TBC1D8: variants seen among roughly 807,000 people sequenced by gnomAD.
TBC1D8 encodes the protein BUB2-like protein 1.
Under a neutral mutation model 118.8 loss-of-function variants are expected in TBC1D8, and 65 were observed. That is an observed-to-expected ratio of 0.55 (90% CI 0.45 to 0.67). The LOEUF (loss-of-function observed/expected upper bound fraction) is 0.67. Among genes scored for constraint, TBC1D8 ranks in the 30% least tolerant of loss-of-function variants. TBC1D8 has a pLI of 0.00. For synonymous variants in TBC1D8, 566 were observed against 595.8 expected, an observed-to-expected ratio of 0.95 and a Z score of 0.73; for missense variants, 1,376 against 1,471.2, an observed-to-expected ratio of 0.94 and a Z score of 1.06.
intron 1 of TBC1D8, among the ~76,000 whole-genome samples, chr2:101,127,350 A>C (rs907281578): frequency 1.3e-5 from 2 of 151,192 alleles, no homozygotes; most frequent in African/African-American, 4.8e-5. Context: ...AAAAAAAAAA[A>C]AGAGAAAGAA....
Position 101,040,366 on chromosome 2 carries a change from G to T in TBC1D8, c.892C>A (p.Gln298Lys). 9 of 1,602,296 alleles carry T rather than the reference G, an allele frequency of 5.6e-6. 1 individual carries two copies. In the Admixed American group the frequency reaches 1.0e-4, roughly 19 times the overall value. The change falls in exon 6 of 20, where the codon CAG becomes AAG. Residue 298 changes from glutamine (Q) to lysine (K), a missense_variant. Physicochemically the swap from Gln to Lys is moderately conservative, Grantham distance 53. Coordinates refer to ENST00000409318, the MANE Select transcript of TBC1D8 (RefSeq NM_001330348.2). Reference sequence around the variant, plus strand: ...AAGAAAGCCCGGAAGAACTCATTCTGTGCTCTGGCTTCCAGGTCCCTGGGG... The same window carrying T: ...AAGAAAGCCCGGAAGAACTCATTCTTTGCTCTGGCTTCCAGGTCCCTGGGG... ...ITKRDLEARA[Q>K]NEFFRAFFRL...
intron 15 of TBC1D8, among the ~76,000 whole-genome samples, chr2:101,026,074 C>T (rs898827898): frequency 1.3e-5 from 2 of 152,134 alleles, no homozygotes; most frequent in South Asian, 2.1e-4. Flanking sequence ...GAAACATGAA[C>T]GATGTGGCTG....
At position 101,045,788 on chromosome 2, in the gene TBC1D8, G is replaced by A. The variant is rs958660011; in HGVS notation, c.872+4613C>T. 5.9e-5 allele frequency among the ~76,000 whole-genome samples: 9 copies of A among 152,096 alleles called. No individual in the cohort carries two copies. The South Asian group carries it at 6.2e-4, about 10-fold the overall frequency. ...GCGAGAGGATCACTTGAGACCAGGC[G>A]TTCAAGACCAGCCTGGCCAACATGG... On this transcript the variant is annotated intron_variant, in intron 5 of 19. Coordinates refer to ENST00000409318, the MANE Select transcript of TBC1D8 (RefSeq NM_001330348.2).
rs577648924 is a variant in TBC1D8 at position 101,106,226 on chromosome 2, A to G, written c.128-15862T>C. Among the ~76,000 whole-genome samples, 3 of 152,354 alleles carry G rather than the reference A, an allele frequency of 2.0e-5. No homozygotes were observed. In the East Asian group the frequency reaches 5.8e-4, roughly 29 times the overall value. Reference sequence around the variant, plus strand: ...GCTGCTAGAGGGAAAAGGTTAAATTAGTCAAACATAGGGGAATTTTAGGGC... The same window carrying G: ...GCTGCTAGAGGGAAAAGGTTAAATTGGTCAAACATAGGGGAATTTTAGGGC... On this transcript the variant is annotated intron_variant, in intron 1 of 19. Coordinates refer to ENST00000409318, the MANE Select transcript of TBC1D8 (RefSeq NM_001330348.2).
intron 19 of TBC1D8, among the ~76,000 whole-genome samples, chr2:101,008,610 TCAGAC>T: frequency 6.6e-6 from 1 of 151,438 alleles, no homozygotes; most frequent in Middle Eastern, 3.4e-3. Flanking sequence ...AGGTTGGGAG[TCAGAC>T]CAGCCCAATC....
chr2:101,030,228 T>G (rs190628442), intron 11 of TBC1D8, among the ~76,000 whole-genome samples: 9 of 152,308 alleles, frequency 5.9e-5, no homozygotes, highest in Admixed American at 2.0e-4. Flanking sequence ...ACACCATTAA[T>G]AAAATGAAAA....
intron 1 of TBC1D8, among the ~76,000 whole-genome samples, chr2:101,100,887 C>T (rs1676780656): frequency 6.6e-6 from 1 of 151,916 alleles, no homozygotes; most frequent in Admixed American, 6.6e-5. Flanking sequence ...GAAAAATTAA[C>T]TATTAACTCA....
intron 10 of TBC1D8, 58 bp downstream of exon 10, chr2:101,033,486 A>T (rs1208207515): frequency 6.3e-7 from 1 of 1,598,258 alleles, no homozygotes; most frequent in Non-Finnish European, 8.6e-7. Context: ...AACCCTGGGA[A>T]GGACAACATG....
At chr2:101,023,467 T>A (rs1412382557) in intron 15 of TBC1D8, among the ~76,000 whole-genome samples, 2 of 152,100 alleles carry the variant, frequency 1.3e-5, no homozygotes, top group East Asian at 3.9e-4. Context: ...TATTTAAAAA[T>A]CAAAAAGGAC....
At chr2:101,020,659 A>C (rs1679977989) in intron 17 of TBC1D8, among the ~76,000 whole-genome samples, 1 of 152,238 alleles carries the variant, frequency 6.6e-6, no homozygotes. Flanking sequence ...CAATGGCTGC[A>C]TCTGGGAGGT....
At chr2:101,036,530 T>C (rs1165459460) in intron 8 of TBC1D8, among the ~76,000 whole-genome samples, 3 of 152,088 alleles carry the variant, frequency 2.0e-5, no homozygotes. Flanking sequence ...TGGGGGAAGC[T>C]TTCTCTGGAT....
chr2:101,146,735 G>C (rs1679332446), intron 1 of TBC1D8, among the ~76,000 whole-genome samples: 1 of 152,038 alleles, frequency 6.6e-6, no homozygotes, highest in Non-Finnish European at 1.5e-5. Flanking sequence ...ACATTCAAAG[G>C]CTTCTCATTC....
Position 101,132,900 on chromosome 2 carries a change from T to C in TBC1D8, c.127+18227A>G, listed in dbSNP as rs539770401. On this transcript the variant is annotated intron_variant, in intron 1 of 19. Coordinates refer to ENST00000409318, the MANE Select transcript of TBC1D8 (RefSeq NM_001330348.2). Reference sequence around the variant, plus strand: ...CAGGCGTGAGCCACTGTTTCTGTTTTTACTTTGCAATAAAAATATTCTTAT... The same window carrying C: ...CAGGCGTGAGCCACTGTTTCTGTTTCTACTTTGCAATAAAAATATTCTTAT... 1.1e-3 allele frequency among the ~76,000 whole-genome samples: 166 copies of C among 152,126 alleles called. 3 individuals are homozygous for C. The highest frequency in any genetic ancestry group is 3.9e-3 in the African/African-American group (160 of 41,524).
In TBC1D8 at chr2:101,090,219, G is replaced by A. The variant is rs778986304; in HGVS notation, c.273C>T (p.Ala91=). 5.0e-6 allele frequency: 8 copies of A among 1,613,322 alleles called. No individual in the cohort carries two copies. Among genetic ancestry groups the A allele is most frequent in the African/African-American group, 1.3e-5 (1 of 74,924 alleles). The change falls in exon 2 of 20, where the codon GCC becomes GCT. Residue 91 remains alanine, a synonymous_variant. Coordinates refer to ENST00000409318, the MANE Select transcript of TBC1D8 (RefSeq NM_001330348.2). ...ELLNGSDVYW[A]IATGATLEEI... ...TGGAACAAAACTCACCAGTGGCTAT[G>A]GCCCAGTAAACGTCTGATCCATTCA...
chr2:101,141,722 A>G (rs1185844950), intron 1 of TBC1D8, among the ~76,000 whole-genome samples: 3 of 152,076 alleles, frequency 2.0e-5, no homozygotes, highest in East Asian at 3.8e-4. Flanking sequence ...CAAAAAACCT[A>G]CAATGAAAAT....
chr2:101,131,513 C>CA (rs1004288067), intron 1 of TBC1D8, among the ~76,000 whole-genome samples: 20 of 142,598 alleles, frequency 1.4e-4, no homozygotes, highest in African/African-American at 2.3e-4. Flanking sequence ...AACTCCGTTT[C>CA]AAAAAAAAAA....
At chr2:101,039,400 T>C (rs957912943) in intron 6 of TBC1D8, among the ~76,000 whole-genome samples, 6 of 152,186 alleles carry the variant, frequency 3.9e-5, no homozygotes, top group Admixed American at 6.5e-5. Context: ...GGAGGATCGA[T>C]TGAGCCCAGG....
rs768933731 is a variant in TBC1D8, at chr2:101,033,614, G to A, written c.1748C>T (p.Thr583Met). Reference sequence around the variant, plus strand: ...GACTCTCCTCAAAGCAGCAATTCCCGTTTCGTTCTGGAAGGCGGGGTGCTC... The same window carrying A: ...GACTCTCCTCAAAGCAGCAATTCCCATTTCGTTCTGGAAGGCGGGGTGCTC... ...LPEHPAFQNE[T>M]GIAALRRVLT... Residue 583 changes from threonine to methionine, a missense_variant, in exon 10 of 20, where the codon ACG (threonine) becomes ATG (methionine). By Grantham distance (81) the Thr-to-Met change is moderately conservative. Transcript: ENST00000409318. 2.5e-5 allele frequency: 41 copies of A among 1,613,786 alleles called. No individual in the cohort carries two copies. Among genetic ancestry groups the A allele is most frequent in the Admixed American group, 2.2e-4 (13 of 60,002 alleles).
chr2:101,084,925 T>C (rs2105450994), intron 2 of TBC1D8, among the ~76,000 whole-genome samples: 1 of 149,472 alleles, frequency 6.7e-6, no homozygotes, highest in South Asian at 2.1e-4. Context: ...CTCCGCTCAC[T>C]GCAAGCTCCG....
Sources: gnomAD v4.1 joint callset for allele counts (sites outside exome capture counted in the v4.1 genomes callset) on GRCh38, gnomAD v4.1.1 for gene constraint, MANE v1.5 for transcripts, NCBI Gene and HGNC (gene_info 2026-07-23, HGNC 2026-07-21) for gene names.